SLN: variants seen among roughly 807,000 people sequenced by gnomAD.
SLN encodes sarcolipin.
For synonymous variants in SLN, 19 were observed against 14.4 expected, an observed-to-expected ratio of 1.32 and a Z score of -0.72; for missense variants, 34 against 37.4, an observed-to-expected ratio of 0.91 and a Z score of 0.24.
intron 1 of SLN, among the ~76,000 whole-genome samples, chr11:107,710,560 AC>A (rs1245484588): frequency 6.6e-6 from 1 of 152,240 alleles, no homozygotes; most frequent in Non-Finnish European, 1.5e-5. Context: ...GAATTAGCAG[AC>A]TGGAACTAGT....
At position 107,707,758 on chromosome 11, in the gene SLN, A is replaced by G; in HGVS notation, c.*77T>C. The G allele has an allele frequency of 2.0e-6, 2 of 1,021,576 alleles. No individual in the cohort carries two copies. The highest frequency in any genetic ancestry group is 2.6e-5 in the South Asian group (2 of 77,438). The allele number at this position is 1,021,576 out of a possible 1,614,324, so 63.3% of individuals were successfully genotyped here. On this transcript the variant is annotated 3_prime_UTR_variant, in exon 2 of 2. Transcript: ENST00000305991. ...TGGAGAATGGCATCCTGTGACAATG[A>G]CAGCAGTGGGGTCTCAGGGCATAGA...
In SLN at chr11:107,707,775, G is replaced by C; in HGVS notation, c.*60C>G. 1 of 1,274,498 alleles carries C rather than the reference G, an allele frequency of 7.8e-7. No individual in the cohort carries two copies. Among genetic ancestry groups the C allele is most frequent in the Non-Finnish European group, 1.1e-6 (1 of 873,456 alleles). The allele number at this position is 1,274,498 out of a possible 1,614,324, so 78.9% of individuals were successfully genotyped here. On this transcript the variant is annotated 3_prime_UTR_variant, in exon 2 of 2. Coordinates refer to ENST00000305991, the MANE Select transcript of SLN (RefSeq NM_003063.3). The stretch of plus-strand genomic sequence containing the variant: ...TGACAATGACAGCAGTGGGGTCTCA[G>C]GGCATAGAGCAGGCAGCTCCGGAGC...
intron 1 of SLN, among the ~76,000 whole-genome samples, chr11:107,711,644 AG>A (rs1033177152): frequency 1.8e-4 from 27 of 152,202 alleles, no homozygotes; most frequent in Non-Finnish European, 2.6e-4. Flanking sequence ...AAACCCAAAA[AG>A]CTCTGAATAA....
At chr11:107,711,714 A>G (rs1364683524) in intron 1 of SLN, among the ~76,000 whole-genome samples, 3 of 152,170 alleles carry the variant, frequency 2.0e-5, no homozygotes, top group Non-Finnish European at 4.4e-5. Flanking sequence ...AAGATAGAAA[A>G]AAGACCATCT....
intron 1 of SLN, among the ~76,000 whole-genome samples, chr11:107,709,507 TAA>T (rs753642428): frequency 2.0e-5 from 3 of 152,222 alleles, no homozygotes; most frequent in Non-Finnish European, 4.4e-5. Flanking sequence ...GTTAATTGCA[TAA>T]ATGCCAACTG....
chr11:107,710,759 C>T (rs1463733347), intron 1 of SLN, among the ~76,000 whole-genome samples: 4 of 152,116 alleles, frequency 2.6e-5, no homozygotes, highest in African/African-American at 7.2e-5. Context: ...CAAGGACGTG[C>T]GTGCCAGGTT....
intron 1 of SLN, among the ~76,000 whole-genome samples, chr11:107,710,511 G>GTC (rs386374817): frequency 1.3e-5 from 2 of 152,080 alleles, no homozygotes; most frequent in African/African-American, 4.8e-5. Flanking sequence ...AGATTAAGAT[G>GTC]TTTGTGTAAT....
intron 1 of SLN, among the ~76,000 whole-genome samples, chr11:107,710,878 T>A (rs989135293): frequency 6.6e-6 from 1 of 152,226 alleles, no homozygotes; most frequent in Non-Finnish European, 1.5e-5. Context: ...TAGTTATACA[T>A]TTGAATTTCA....
intron 1 of SLN, among the ~76,000 whole-genome samples, chr11:107,709,837 G>T (rs1398096975): frequency 6.6e-6 from 1 of 152,274 alleles, no homozygotes; most frequent in Non-Finnish European, 1.5e-5. Flanking sequence ...ATTACAAATG[G>T]CTGGGCGTGG....
At chr11:107,709,939 A>G (rs1428998106) in intron 1 of SLN, among the ~76,000 whole-genome samples, 2 of 152,180 alleles carry the variant, frequency 1.3e-5, no homozygotes, top group African/African-American at 2.4e-5. Context: ...ATAACACAGC[A>G]AGACCCTGTC....
chr11:107,710,013 A>G (rs574517610), intron 1 of SLN, among the ~76,000 whole-genome samples: 1 of 152,356 alleles, frequency 6.6e-6, no homozygotes, highest in South Asian at 2.1e-4. Context: ...TGGAGGAGAA[A>G]GTAAACAGAA....
chr11:107,707,700 A>C lies in SLN; in HGVS notation c.*135T>G. 1.5e-6 allele frequency: 1 copy of C among 665,282 alleles called. No individual in the cohort carries two copies. The allele number at this position is 665,282 out of a possible 1,614,324, so 41.2% of individuals were successfully genotyped here. A position where few individuals can be genotyped will look rare whatever the true frequency, so the allele number is the denominator to read the frequency against. ...CAATCCTAGCACTACAGCATAGCAG[A>C]TATTGTGAGTGCAGGTCACAGGTGC... On this transcript the variant is annotated 3_prime_UTR_variant, in exon 2 of 2. Transcript: ENST00000305991.
intron 1 of SLN, among the ~76,000 whole-genome samples, chr11:107,711,089 A>G (rs1161442121): frequency 6.6e-6 from 1 of 152,210 alleles, no homozygotes; most frequent in East Asian, 1.9e-4. Context: ...CAGGGACAAG[A>G]GGATCCCAAC....
At chr11:107,709,745 A>C (rs1867193478) in intron 1 of SLN, among the ~76,000 whole-genome samples, 2 of 152,182 alleles carry the variant, frequency 1.3e-5, no homozygotes, top group African/African-American at 4.8e-5. Flanking sequence ...ATGATGACAG[A>C]TTTATATTTC....
At chr11:107,709,624 A>T (rs1867190593) in intron 1 of SLN, among the ~76,000 whole-genome samples, 1 of 152,142 alleles carries the variant, frequency 6.6e-6, no homozygotes. Context: ...AGGTGGGAGG[A>T]TCCCTTGAGC....
intron 1 of SLN, among the ~76,000 whole-genome samples, chr11:107,710,541 G>A (rs1479017953): frequency 6.6e-6 from 1 of 152,178 alleles, no homozygotes; most frequent in East Asian, 1.9e-4. Context: ...CAAGTTAGAG[G>A]CAAAGCTAGA....
chr11:107,710,162 T>A (rs1453604771), intron 1 of SLN, among the ~76,000 whole-genome samples: 1 of 152,220 alleles, frequency 6.6e-6, no homozygotes, highest in Non-Finnish European at 1.5e-5. Flanking sequence ...TATAAACTTA[T>A]CAATGAAATA....
chr11:107,711,594 G>T (rs1226043842), intron 1 of SLN, among the ~76,000 whole-genome samples: 1 of 152,056 alleles, frequency 6.6e-6, no homozygotes, highest in Non-Finnish European at 1.5e-5. Flanking sequence ...TGAAGTCAAG[G>T]TCATGCCATA....
chr11:107,708,472 AT>A (rs1867178335), intron 1 of SLN, among the ~76,000 whole-genome samples: 1 of 152,082 alleles, frequency 6.6e-6, no homozygotes, highest in Non-Finnish European at 1.5e-5. Context: ...CACCCTGCAG[AT>A]TTTGGACTTG....
Sources: allele counts gnomAD v4.1 joint callset (sites outside exome capture counted in the v4.1 genomes callset), GRCh38; gene constraint gnomAD v4.1.1; transcripts MANE v1.5; gene names NCBI Gene and HGNC (gene_info 2026-07-23, HGNC 2026-07-21).